The following CCDC73 variants were observed in gnomAD, a reference collection of about 807,000 sequenced individuals.
CCDC73 encodes the protein coiled-coil domain-containing protein 73.
Under a neutral mutation model 116.5 loss-of-function variants are expected in CCDC73, and 95 were observed. The observed-to-expected ratio is 0.82, with a 90% CI of 0.69 to 0.97. The LOEUF (loss-of-function observed/expected upper bound fraction) is 0.97, where lower values mean the gene tolerates loss of function less well. Ranked by LOEUF, CCDC73 falls within the 50% of genes least tolerant of loss-of-function variation. The pLI, the probability that CCDC73 is intolerant of heterozygous loss-of-function variation, is 0.00. For missense variants in CCDC73, 1,066 were observed against 1,206.8 expected (o/e 0.88, Z 1.73); for synonymous variants, 398 against 401.3 (o/e 0.99, Z 0.10).
In CCDC73 at chr11:32,794,651, G is replaced by T. The variant is rs1318325053; in HGVS notation, c.-54C>A. On this transcript the variant is annotated 5_prime_UTR_variant, in exon 1 of 18. Transcript: ENST00000335185. ...GCCTCTAGCTCCTGTTGGCCCTTCC[G>T]GTTCACCTTTTCCCGCCCTAGGGCA... 6.6e-6 allele frequency: 1 copy of T among 152,384 alleles called. No individual in the cohort carries two copies. The highest frequency in any genetic ancestry group is 1.5e-5 in the Non-Finnish European group (1 of 68,078). 9.4% of individuals were successfully genotyped at this position (152,384 alleles called of 1,614,324 possible).
At chr11:32,824,854 C>T in the CCDC73 span, among the ~76,000 whole-genome samples, 5 of 152,168 alleles carry the variant, frequency 3.3e-5, no homozygotes, top group Non-Finnish European at 5.9e-5. Context: ...GAGGTCAAGG[C>T]GGGAAGATCC....
At chr11:32,666,903 T>C (rs1483957878) in intron 9 of CCDC73, among the ~76,000 whole-genome samples, 2 of 152,246 alleles carry the variant, frequency 1.3e-5, no homozygotes, top group African/African-American at 2.4e-5. Context: ...TGCAGGTCTG[T>C]TGGAGTTTGC....
chr11:32,634,741 A>G (rs1488581961), intron 14 of CCDC73, among the ~76,000 whole-genome samples: 1 of 152,222 alleles, frequency 6.6e-6, no homozygotes, highest in Non-Finnish European at 1.5e-5. Context: ...CAACATGATC[A>G]TATATTATAG....
At chr11:32,725,031 ACAGAAAAAAATGAATAATATC>A (rs1321298395) in intron 2 of CCDC73, among the ~76,000 whole-genome samples, 1 of 152,132 alleles carries the variant, frequency 6.6e-6, no homozygotes, top group Admixed American at 6.5e-5. Context: ...TTAGGCTCAT[ACAGAAAAAAATGAATAATATC>A]CCCTTACTTT....
chr11:32,721,844 G>A (rs997490776), intron 2 of CCDC73, among the ~76,000 whole-genome samples: 3 of 151,928 alleles, frequency 2.0e-5, no homozygotes, highest in Admixed American at 6.6e-5. Context: ...TGATCTGCTC[G>A]CCTCGGCCTC....
chr11:32,753,550 C>A (rs983255038), intron 2 of CCDC73, among the ~76,000 whole-genome samples: 7 of 152,004 alleles, frequency 4.6e-5, no homozygotes, highest in African/African-American at 1.7e-4. Flanking sequence ...CTGCAACCTC[C>A]ACCTCCTGGG....
At chr11:32,667,747 C>T (rs1855999835) in intron 9 of CCDC73, among the ~76,000 whole-genome samples, 2 of 152,220 alleles carry the variant, frequency 1.3e-5, no homozygotes, top group Admixed American at 1.3e-4. Flanking sequence ...CTGTCTTCTG[C>T]ATCGCTCACA....
upstream of CCDC73, among the ~76,000 whole-genome samples, chr11:32,796,421 CTAAG>C (rs1301455466): frequency 6.6e-6 from 1 of 152,158 alleles, no homozygotes; most frequent in Non-Finnish European, 1.5e-5. Context: ...AGACAATGAG[CTAAG>C]TGTTTTTACA....
At chr11:32,772,668 A>C (rs115981114) in intron 1 of CCDC73, among the ~76,000 whole-genome samples, 2,067 of 152,328 alleles carry the variant, frequency 0.014, 55 homozygotes, top group African/African-American at 0.047. Flanking sequence ...GTATATAAAG[A>C]GATAAAACAA....
At chr11:32,623,580 CT>C (rs979031846) in intron 14 of CCDC73, among the ~76,000 whole-genome samples, 16 of 152,210 alleles carry the variant, frequency 1.1e-4, no homozygotes, top group Non-Finnish European at 1.6e-4. Context: ...TCTTGAACTC[CT>C]GCACTCAAGC....
chr11:32,818,355 C>T, the CCDC73 span, among the ~76,000 whole-genome samples: 15 of 152,178 alleles, frequency 9.9e-5, no homozygotes, highest in Non-Finnish European at 1.0e-4. Context: ...AGTTGTTTAA[C>T]ATCTTTGAGC....
At chr11:32,649,074 A>G (rs920166455) in intron 12 of CCDC73, among the ~76,000 whole-genome samples, 12 of 152,198 alleles carry the variant, frequency 7.9e-5, no homozygotes, top group Admixed American at 7.2e-4. Flanking sequence ...TACAGCGCCT[A>G]TGGTAGTCAT....
chr11:32,630,756 T>G (rs944983282), intron 14 of CCDC73, among the ~76,000 whole-genome samples: 6 of 152,150 alleles, frequency 3.9e-5, no homozygotes, highest in African/African-American at 1.4e-4. Context: ...ATGTACATTT[T>G]ACTACAGTAA....
the CCDC73 span, among the ~76,000 whole-genome samples, chr11:32,809,725 G>A: frequency 2.0e-5 from 3 of 152,116 alleles, no homozygotes; most frequent in Non-Finnish European, 4.4e-5. Flanking sequence ...TCGTCTTAAT[G>A]TTCATGACAA....
chr11:32,617,301 A>G (rs1217140826), intron 14 of CCDC73, among the ~76,000 whole-genome samples: 1 of 152,224 alleles, frequency 6.6e-6, no homozygotes, highest in South Asian at 2.1e-4. Flanking sequence ...AAAAAAATGG[A>G]CTAACATTTT....
intron 6 of CCDC73, among the ~76,000 whole-genome samples, chr11:32,695,624 TAG>T (rs1856303292): frequency 6.6e-6 from 1 of 152,154 alleles, no homozygotes; most frequent in African/African-American, 2.4e-5. Context: ...TCACAGTAGG[TAG>T]AGTTTCTTTC....
rs188478106 is a variant in CCDC73, at chr11:32,643,933, C to T, written c.940-1851G>A. ...CTTAGCTTAAAACACACAGATTGTA[C>T]AGCTGTATAAAAATATTTTCTTTCT... On this transcript the variant is annotated intron_variant, in intron 12 of 17. Transcript: ENST00000335185. Among the ~76,000 whole-genome samples, 1,088 of 152,082 alleles carry T rather than the reference C, an allele frequency of 7.2e-3. 12 individuals carry two copies. Among genetic ancestry groups the T allele is most frequent in the African/African-American group, 0.024 (1,017 of 41,538 alleles).
At chr11:32,714,199 A>G (rs927020824) in intron 3 of CCDC73, among the ~76,000 whole-genome samples, 1 of 152,062 alleles carries the variant, frequency 6.6e-6, no homozygotes, top group Non-Finnish European at 1.5e-5. Context: ...CTAATGGCAC[A>G]CTGTATCTGA....
At position 32,705,644 on chromosome 11, in the gene CCDC73, G is replaced by A. The variant is rs749917488; in HGVS notation, c.208-2700C>T. 6.6e-5 allele frequency among the ~76,000 whole-genome samples: 10 copies of A among 152,280 alleles called. No individual in the cohort carries two copies. In the South Asian group the frequency reaches 8.3e-4, roughly 13 times the overall value. On this transcript the variant is annotated intron_variant, in intron 3 of 17. Coordinates refer to ENST00000335185, the MANE Select transcript of CCDC73 (RefSeq NM_001008391.4). ...GTCAAGTGAATGGAACAAGTCCAGC[G>A]GGTGCGAGCAAAACTCAAGCAGAGG...
Sources: gnomAD v4.1 joint callset for allele counts (sites outside exome capture counted in the v4.1 genomes callset) on GRCh38, gnomAD v4.1.1 for gene constraint, MANE v1.5 for transcripts, NCBI Gene and HGNC (gene_info 2026-07-23, HGNC 2026-07-21) for gene names.